PARD6G: variants seen among roughly 807,000 people sequenced by gnomAD.
The protein encoded by PARD6G is partitioning defective 6 homolog gamma.
In PARD6G, 7 loss-of-function variants were observed where a neutral mutation model predicts 10.7. That is an observed-to-expected ratio of 0.66 (90% CI 0.37 to 1.23). The LOEUF (loss-of-function observed/expected upper bound fraction) is 1.23, where lower values mean the gene tolerates loss of function less well. Ranked by LOEUF, PARD6G falls within the 50% of genes most tolerant of loss-of-function variation. The pLI, the probability that PARD6G is intolerant of heterozygous loss-of-function variation, is 0.02. For synonymous variants in PARD6G, 287 were observed against 269.4 expected (o/e 1.07, Z -0.64); for missense variants, 548 against 571.8 (o/e 0.96, Z 0.42).
chr18:80,176,166 A>G (rs1283638064), intron 2 of PARD6G, among the ~76,000 whole-genome samples: 1 of 152,204 alleles, frequency 6.6e-6, no homozygotes, highest in African/African-American at 2.4e-5. Flanking sequence ...TTTCCTGGAA[A>G]GTATCCGTGG....
chr18:80,237,652 A>C (rs1321846182), intron 1 of PARD6G, among the ~76,000 whole-genome samples: 4 of 152,252 alleles, frequency 2.6e-5, no homozygotes, highest in Admixed American at 1.3e-4. Context: ...ACAAATTTAC[A>C]AGAAAAAAAC....
chr18:80,175,816 T>G lies in PARD6G; in HGVS notation c.296-15210A>C, dbSNP rs186807155. On this transcript the variant is annotated intron_variant, in intron 2 of 2. Transcript: ENST00000353265. The surrounding 1 kb of genome is among the most constrained non-coding windows in gnomAD (Gnocchi z 6.7). The stretch of plus-strand genomic sequence containing the variant: ...GGTGGCCACTTCCTGGATGCACGAC[T>G]GCTGTGTTTTGTGTTATGTTTTCTG... The G allele has an allele frequency of 6.0e-6, 1 of 167,188 alleles. No homozygotes were observed. 10.4% of individuals were successfully genotyped at this position (167,188 alleles called of 1,614,324 possible). A position where few individuals can be genotyped will look rare whatever the true frequency, so the allele number is the denominator to read the frequency against.
intron 1 of PARD6G, among the ~76,000 whole-genome samples, chr18:80,229,146 G>A (rs535853248): frequency 4.3e-4 from 66 of 152,218 alleles, no homozygotes; most frequent in African/African-American, 1.5e-3. Flanking sequence ...CACCATGTTG[G>A]CCAGGCTGGT....
intron 1 of PARD6G, among the ~76,000 whole-genome samples, chr18:80,205,230 T>G (rs932574136): frequency 2.0e-5 from 3 of 152,164 alleles, no homozygotes; most frequent in African/African-American, 7.2e-5. Context: ...AGGATGACAC[T>G]GGTACAGCAT....
chr18:80,176,948 T>C (rs1431719123), intron 2 of PARD6G, among the ~76,000 whole-genome samples: 1 of 139,486 alleles, frequency 7.2e-6, no homozygotes, highest in Non-Finnish European at 1.5e-5. Flanking sequence ...GAAGCATGCA[T>C]GCACACACAC....
At position 80,247,360 on chromosome 18, in the gene PARD6G, C is replaced by G. The variant is rs776118374; in HGVS notation, c.-12G>C. On this transcript the variant is annotated 5_prime_UTR_variant, in exon 1 of 3. Coordinates refer to ENST00000353265, the MANE Select transcript of PARD6G (RefSeq NM_032510.4). The surrounding 1 kb of genome is among the most constrained non-coding windows in gnomAD (Gnocchi z 4.2). ...AAACTTCGGTTCATGGTTTCGGCCC[C>G]GGTCAGCCTCGCCGTCGCCCTCGCT... The G allele has an allele frequency of 7.1e-6, 11 of 1,559,078 alleles. No individual in the cohort carries two copies. Among genetic ancestry groups the G allele is most frequent in the East Asian group, 2.6e-5 (1 of 38,822 alleles).
chr18:80,160,054 C>T lies in PARD6G; in HGVS notation c.848G>A (p.Arg283His), dbSNP rs377205696. 14 of 1,548,900 alleles carry T rather than the reference C, an allele frequency of 9.0e-6. No individual in the cohort carries two copies. The African/African-American group carries it at 1.5e-4, about 17-fold the overall frequency. Residue 283 changes from arginine (R) to histidine (H), a missense_variant, in exon 3 of 3, where the codon CGC becomes CAC. Physicochemically the swap from Arg to His is conservative, Grantham distance 29 (BLOSUM62 0). Around this residue, in one of 2 missense-constraint regions of PARD6G, gnomAD observed 313 missense variants for 279.9 expected, o/e 1.12. Coordinates refer to ENST00000353265, the MANE Select transcript of PARD6G (RefSeq NM_032510.4). ...GTCGGGGTGGAAGTTCTGCAGGACG[C>T]GCGGGGCGGGGGGACCCACGAAGCC... ...TAGFVGPPAP[R>H]VLQNFHPDEA...
rs529919668 is a variant in PARD6G, at chr18:80,189,274, T to G, written c.295+13436A>C. On this transcript the variant is annotated intron_variant, in intron 2 of 2. Coordinates refer to ENST00000353265, the MANE Select transcript of PARD6G (RefSeq NM_032510.4). This position sits in a 1 kb window ranked among gnomAD's most constrained non-coding sequence, Gnocchi z 5.5. ...CAAACCAACCGTTTTCTTCTTTCTT[T>G]TTAAAGGAGATCACAGAAGGCCAAC... 1 of 152,230 alleles carries G rather than the reference T, an allele frequency of 6.6e-6. No homozygotes were observed. The highest frequency in any genetic ancestry group is 1.5e-5 in the Non-Finnish European group (1 of 68,046). The allele number at this position is 152,230 out of a possible 1,614,324, so 9.4% of individuals were successfully genotyped here. A position where few individuals can be genotyped will look rare whatever the true frequency, so the allele number is the denominator to read the frequency against.
At chr18:80,232,271 C>T (rs1361452531) in intron 1 of PARD6G, among the ~76,000 whole-genome samples, 1 of 152,122 alleles carries the variant, frequency 6.6e-6, no homozygotes, top group African/African-American at 2.4e-5. Flanking sequence ...ACTCTGACCT[C>T]CACTGCAGAA....
intron 1 of PARD6G, among the ~76,000 whole-genome samples, chr18:80,240,600 G>A (rs768085403): frequency 2.6e-5 from 4 of 152,190 alleles, no homozygotes; most frequent in Non-Finnish European, 4.4e-5. Flanking sequence ...ATAAGGACAA[G>A]TGGGGACTGG....
At chr18:80,242,155 C>A (rs1030676572) in intron 1 of PARD6G, among the ~76,000 whole-genome samples, 7 of 151,912 alleles carry the variant, frequency 4.6e-5, no homozygotes, top group Non-Finnish European at 7.3e-5. Context: ...CAGTGCCCCC[C>A]AGGCTGACTC....
At position 80,163,600 on chromosome 18, in the gene PARD6G, T is replaced by C. The variant is rs8088708; in HGVS notation, c.296-2994A>G. Among the ~76,000 whole-genome samples, 641 of 152,292 alleles carry C rather than the reference T, an allele frequency of 4.2e-3. 5 individuals carry two copies. The highest frequency in any genetic ancestry group is 0.014 in the Middle Eastern group (4 of 294). On this transcript the variant is annotated intron_variant, in intron 2 of 2. Transcript: ENST00000353265. Reference sequence around the variant, plus strand: ...ACCTGTCTGCGTCACAAGGGCCAGGTGGAAGCATCTCGGCCATCCCCACAG... The same window carrying C: ...ACCTGTCTGCGTCACAAGGGCCAGGCGGAAGCATCTCGGCCATCCCCACAG...
At chr18:80,219,623 C>G (rs1290267492) in intron 1 of PARD6G, among the ~76,000 whole-genome samples, 2 of 152,216 alleles carry the variant, frequency 1.3e-5, no homozygotes, top group Non-Finnish European at 2.9e-5. Context: ...CCTAAATCAT[C>G]TCTCAAGTTC....
At position 80,181,454 on chromosome 18, in the gene PARD6G, A is replaced by G. The variant is rs1258622999; in HGVS notation, c.296-20848T>C. On this transcript the variant is annotated intron_variant, in intron 2 of 2. Transcript: ENST00000353265. The surrounding 1 kb of genome is among the most constrained non-coding windows in gnomAD (Gnocchi z 7.9). Reference sequence around the variant, plus strand: ...AGGGACACGGTGACATGCCGCTGTGAGCCCTCAAGAAGGCCTCATCTCCAT... The same window carrying G: ...AGGGACACGGTGACATGCCGCTGTGGGCCCTCAAGAAGGCCTCATCTCCAT... Among the ~76,000 whole-genome samples, 1 of 152,170 alleles carries G rather than the reference A, an allele frequency of 6.6e-6. No homozygotes were observed. Among genetic ancestry groups the G allele is most frequent in the African/African-American group, 2.4e-5 (1 of 41,440 alleles).
At chr18:80,171,159 T>C (rs2052773483) in intron 2 of PARD6G, 2 of 152,246 alleles carry the variant, frequency 1.3e-5, no homozygotes, top group South Asian at 2.1e-4. Context: ...CTTCTATTAC[T>C]ATAGTCAGCA....
chr18:80,243,689 CAAG>C (rs1178391556), intron 1 of PARD6G, among the ~76,000 whole-genome samples: 1 of 152,076 alleles, frequency 6.6e-6, no homozygotes, highest in Non-Finnish European at 1.5e-5. Context: ...CCAGAAACAC[CAAG>C]AAGGGGTCGG....
At chr18:80,223,509 A>G (rs1420050260) in intron 1 of PARD6G, among the ~76,000 whole-genome samples, 2 of 152,236 alleles carry the variant, frequency 1.3e-5, no homozygotes, top group Non-Finnish European at 1.5e-5. Context: ...CCAAAAAATC[A>G]AAAGCATAGG....
At chr18:80,205,604 T>C (rs1967047218) in intron 1 of PARD6G, among the ~76,000 whole-genome samples, 1 of 152,196 alleles carries the variant, frequency 6.6e-6, no homozygotes, top group African/African-American at 2.4e-5. Flanking sequence ...GTGTAGCACC[T>C]TCCCCCTCTT....
At chr18:80,244,110 G>T (rs531878566) in intron 1 of PARD6G, among the ~76,000 whole-genome samples, 5 of 152,056 alleles carry the variant, frequency 3.3e-5, no homozygotes, top group Non-Finnish European at 7.4e-5. Context: ...AACCCCTTCC[G>T]ATCCCAGCAC....
Sources: allele counts gnomAD v4.1 joint callset (sites outside exome capture counted in the v4.1 genomes callset), GRCh38; gene constraint gnomAD v4.1.1; regional missense constraint gnomAD v4.1.1; non-coding constraint Gnocchi (gnomAD v3.1); transcripts MANE v1.5; gene names NCBI Gene and HGNC (gene_info 2026-07-23, HGNC 2026-07-21).